CNTN4: variants seen among roughly 807,000 people sequenced by gnomAD.
CNTN4 encodes contactin 4.
Under a neutral mutation model 122.5 loss-of-function variants are expected in CNTN4, and 77 were observed. That is an observed-to-expected ratio of 0.63 (90% CI 0.52 to 0.76). CNTN4 has a LOEUF of 0.76. CNTN4 is among the 30% of genes least tolerant of loss of function. The pLI, the probability that CNTN4 is intolerant of heterozygous loss-of-function variation, is 0.00. For synonymous variants in CNTN4, 512 were observed against 447.0 expected, an observed-to-expected ratio of 1.15 and a Z score of -1.83; for missense variants, 1,256 against 1,259.1, an observed-to-expected ratio of 1.00 and a Z score of 0.04.
chr3:2,866,587 A>G, intron 7 of CNTN4, 165 bp from the exon 8 acceptor site: 1 of 1,161,418 alleles, frequency 8.6e-7, no homozygotes, highest in Non-Finnish European at 1.2e-6. Flanking sequence ...AAGGCTGGTA[A>G]AATGCCACGG....
At chr3:2,969,958 C>T (rs1692731079) in intron 13 of CNTN4, among the ~76,000 whole-genome samples, 1 of 152,148 alleles carries the variant, frequency 6.6e-6, no homozygotes, top group Non-Finnish European at 1.5e-5. Flanking sequence ...CACCCACACA[C>T]ACAGACAGTT....
chr3:2,147,152 T>C (rs994081613), intron 2 of CNTN4, among the ~76,000 whole-genome samples: 4 of 152,142 alleles, frequency 2.6e-5, no homozygotes, highest in Non-Finnish European at 5.9e-5. Flanking sequence ...GTGCTGGGAT[T>C]ATAGGAGTGA....
chr3:2,600,552 AG>A (rs1166665732), intron 4 of CNTN4, among the ~76,000 whole-genome samples: 8 of 152,202 alleles, frequency 5.3e-5, no homozygotes, highest in African/African-American at 1.9e-4. Flanking sequence ...ATGGCTGCAT[AG>A]TATTCCATGG....
intron 4 of CNTN4, among the ~76,000 whole-genome samples, chr3:2,608,959 C>T (rs927905890): frequency 6.6e-6 from 1 of 152,202 alleles, no homozygotes; most frequent in Non-Finnish European, 1.5e-5. Context: ...AGAGTCTGGT[C>T]TTGTTCTCCT....
At chr3:2,126,514 G>A (rs2034178908) in intron 2 of CNTN4, among the ~76,000 whole-genome samples, 1 of 152,128 alleles carries the variant, frequency 6.6e-6, no homozygotes, top group South Asian at 2.1e-4. Flanking sequence ...TAATTTTTGT[G>A]TCCTGTGAAC....
chr3:2,778,540 C>T, intron 6 of CNTN4, among the ~76,000 whole-genome samples: 1 of 152,096 alleles, frequency 6.6e-6, no homozygotes, highest in East Asian at 1.9e-4. Context: ...ATTGCTCTCA[C>T]TCATATTCAT....
At chr3:2,851,998 TG>T (rs1375467281) in intron 7 of CNTN4, among the ~76,000 whole-genome samples, 1 of 152,224 alleles carries the variant, frequency 6.6e-6, no homozygotes, top group East Asian at 1.9e-4. Flanking sequence ...AAAATCTAGT[TG>T]CTAAGTTTCT....
intron 4 of CNTN4, among the ~76,000 whole-genome samples, chr3:2,667,087 A>G (rs956298845): frequency 1.4e-4 from 22 of 152,164 alleles, no homozygotes; most frequent in South Asian, 4.1e-4. Context: ...ATGGTTTATA[A>G]TCCTTGGGGT....
intron 3 of CNTN4, among the ~76,000 whole-genome samples, chr3:2,431,006 A>C (rs1259421398): frequency 6.6e-6 from 1 of 152,216 alleles, no homozygotes; most frequent in Admixed American, 6.5e-5. Context: ...TGCATCCAGT[A>C]TGTGGTACAC....
chr3:3,004,492 C>G (rs1559777244), intron 14 of CNTN4, among the ~76,000 whole-genome samples: 1 of 152,200 alleles, frequency 6.6e-6, no homozygotes, highest in Admixed American at 6.5e-5. Context: ...TCTGACAGAT[C>G]CATTACAGTC....
At chr3:2,972,426 T>C (rs1430967747) in intron 13 of CNTN4, among the ~76,000 whole-genome samples, 1 of 152,128 alleles carries the variant, frequency 6.6e-6, no homozygotes. Flanking sequence ...CATGACTTGA[T>C]CTGAAATATT....
chr3:2,763,058 C>T (rs916932774), intron 6 of CNTN4, among the ~76,000 whole-genome samples: 1 of 151,854 alleles, frequency 6.6e-6, no homozygotes, highest in Admixed American at 6.6e-5. Context: ...TCTCCCGCCT[C>T]AGCCTCCCAA....
chr3:2,114,231 T>C (rs569092018), intron 2 of CNTN4, among the ~76,000 whole-genome samples: 9 of 151,936 alleles, frequency 5.9e-5, no homozygotes, highest in Middle Eastern at 3.4e-3. Context: ...AGTGGGCAGA[T>C]CACTTGAGCT....
chr3:2,881,091 C>G (rs1296433478), intron 8 of CNTN4, among the ~76,000 whole-genome samples: 1 of 152,194 alleles, frequency 6.6e-6, no homozygotes, highest in African/African-American at 2.4e-5. Flanking sequence ...CGAGTTTGCA[C>G]TATTGACAAC....
In CNTN4 at chr3:2,831,629, AAT is replaced by A. The variant is rs2093107300; in HGVS notation, c.454+12049_454+12050del. Among the ~76,000 whole-genome samples the A allele has an allele frequency of 2.0e-5, 3 of 152,336 alleles. No individual in the cohort carries two copies. In the South Asian group the frequency reaches 6.2e-4, roughly 32 times the overall value. On this transcript the variant is annotated intron_variant, in intron 7 of 24. Transcript: ENST00000418658. Reference sequence around the variant, plus strand: ...CTGGTGCAGGTTAACACATTATCACAATCTTCACTGTCACAATTAACCCCTGG... The same window carrying A: ...CTGGTGCAGGTTAACACATTATCACACTTCACTGTCACAATTAACCCCTGG...
intron 3 of CNTN4, among the ~76,000 whole-genome samples, chr3:2,462,832 T>C (rs2151442215): frequency 6.6e-6 from 1 of 152,334 alleles, no homozygotes; most frequent in East Asian, 1.9e-4. Flanking sequence ...TGAGGACAGA[T>C]AATCCAAGCA....
chr3:2,148,872 A>C (rs891388367), intron 2 of CNTN4, among the ~76,000 whole-genome samples: 5 of 152,134 alleles, frequency 3.3e-5, no homozygotes, highest in African/African-American at 1.2e-4. Context: ...ATGTATATTT[A>C]ATACTTTTTA....
At chr3:2,414,401 A>T (rs926217658) in intron 3 of CNTN4, among the ~76,000 whole-genome samples, 22 of 152,220 alleles carry the variant, frequency 1.4e-4, no homozygotes, top group Admixed American at 5.2e-4. Context: ...GAAATTTTTT[A>T]AAAATGCCAT....
chr3:2,536,263 A>T (rs1188968794), intron 3 of CNTN4, among the ~76,000 whole-genome samples: 1 of 152,176 alleles, frequency 6.6e-6, no homozygotes, highest in Non-Finnish European at 1.5e-5. Context: ...GTTCAACTGG[A>T]TGGAAAGTTT....
Sources: gnomAD v4.1 joint callset for allele counts (sites outside exome capture counted in the v4.1 genomes callset) on GRCh38, gnomAD v4.1.1 for gene constraint, MANE v1.5 for transcripts, NCBI Gene and HGNC (gene_info 2026-07-23, HGNC 2026-07-21) for gene names.